Variants in PPM1H observed in about 807,000 individuals in gnomAD.
PPM1H encodes protein phosphatase 1H.
PPM1H carries 27 observed loss-of-function variants against 54.9 expected under a neutral mutation model. The ratio of observed to expected loss-of-function variants is 0.49; its 90% CI spans 0.36 to 0.68. The LOEUF (loss-of-function observed/expected upper bound fraction) is 0.68, where lower values mean the gene tolerates loss of function less well. PPM1H is among the 30% of genes least tolerant of loss of function. The pLI is 0.00. For synonymous variants in PPM1H, 305 were observed against 270.8 expected (o/e 1.13, Z -1.24); for missense variants, 596 against 667.8 (o/e 0.89, Z 1.19).
chr12:62,686,987 C>A (rs1005401785), intron 8 of PPM1H, among the ~76,000 whole-genome samples: 1 of 152,180 alleles, frequency 6.6e-6, no homozygotes, highest in African/African-American at 2.4e-5. Flanking sequence ...GGGACAAATA[C>A]ACAGGCTGGG....
rs115708081 is a variant in PPM1H at position 62,779,733 on chromosome 12, C to T, written c.869+8493G>A. ...GCCATCTGAGTCCAGAGTCCCTGCTCTTAACCACCATCCTGCCTGCCTGTG... is the reference window on the plus strand; with the variant it reads ...GCCATCTGAGTCCAGAGTCCCTGCTTTTAACCACCATCCTGCCTGCCTGTG... On this transcript the variant is annotated intron_variant, in intron 4 of 9. Coordinates refer to ENST00000228705, the MANE Select transcript of PPM1H (RefSeq NM_020700.2). Among the ~76,000 whole-genome samples the T allele has an allele frequency of 2.3e-3, 354 of 152,382 alleles. 1 individual carries two copies. Among genetic ancestry groups the T allele is most frequent in the African/African-American group, 7.8e-3 (326 of 41,590 alleles).
chr12:62,688,712 C>T (rs2076067796), intron 8 of PPM1H, among the ~76,000 whole-genome samples: 1 of 152,094 alleles, frequency 6.6e-6, no homozygotes, highest in Admixed American at 6.5e-5. Flanking sequence ...TAACTATGAT[C>T]AGGCCAGGTG....
intron 4 of PPM1H, among the ~76,000 whole-genome samples, chr12:62,777,707 T>C (rs1160339150): frequency 1.3e-5 from 2 of 152,212 alleles, no homozygotes; most frequent in Non-Finnish European, 2.9e-5. Flanking sequence ...GAAACGAAAC[T>C]ATTAAACTGA....
chr12:62,694,048 A>G (rs1468867843), intron 6 of PPM1H, 49 bp from the exon 7 acceptor site: 8 of 1,522,186 alleles, frequency 5.3e-6, no homozygotes. Flanking sequence ...TCAATTAGTG[A>G]CCTGCTGCCC....
At chr12:62,809,983 C>T (rs2076825240) in intron 2 of PPM1H, among the ~76,000 whole-genome samples, 1 of 152,060 alleles carries the variant, frequency 6.6e-6, no homozygotes, top group South Asian at 2.1e-4. Flanking sequence ...CTTGGATCAC[C>T]TCAGCCCCTG....
intron 8 of PPM1H, among the ~76,000 whole-genome samples, chr12:62,685,123 A>G (rs2076044205): frequency 6.6e-6 from 1 of 152,158 alleles, no homozygotes; most frequent in South Asian, 2.1e-4. Flanking sequence ...TAGACGCACT[A>G]CATACCCATT....
intron 3 of PPM1H, among the ~76,000 whole-genome samples, chr12:62,791,171 C>T (rs545576702): frequency 3.3e-5 from 5 of 152,250 alleles, no homozygotes; most frequent in East Asian, 1.9e-4. Flanking sequence ...ACAATGCCAA[C>T]GCTCGCTGAG....
intron 1 of PPM1H, among the ~76,000 whole-genome samples, chr12:62,858,621 G>C (rs926364055): frequency 2.0e-5 from 3 of 152,168 alleles, no homozygotes; most frequent in South Asian, 2.1e-4. Context: ...GTCTGCCTAA[G>C]CTTTCAAAAC....
intron 1 of PPM1H, among the ~76,000 whole-genome samples, chr12:62,876,899 A>G (rs954059644): frequency 7.2e-5 from 11 of 152,158 alleles, no homozygotes; most frequent in Non-Finnish European, 2.9e-5. Context: ...TAGCTGCCAC[A>G]TACTATTTTT....
At chr12:62,709,394 A>G (rs1040388055) in intron 6 of PPM1H, among the ~76,000 whole-genome samples, 1 of 152,166 alleles carries the variant, frequency 6.6e-6, no homozygotes, top group Admixed American at 6.5e-5. Context: ...CTACTTGTCC[A>G]TTTTGATTGT....
At chr12:62,686,266 A>G (rs2076051070) in intron 8 of PPM1H, among the ~76,000 whole-genome samples, 1 of 152,248 alleles carries the variant, frequency 6.6e-6, no homozygotes, top group South Asian at 2.1e-4. Context: ...ATGCATACAG[A>G]GCACTCTCCT....
rs67184820 is a variant in PPM1H at position 62,884,338 on chromosome 12, GAA to G, written c.245+50152_245+50153del. Reference sequence around the variant, plus strand: ...CCTGTCTTGACAAAAGCACCAAAATGAAAAAAAAAAAAAATAGTCAGGCATAG... The same window carrying G: ...CCTGTCTTGACAAAAGCACCAAAATGAAAAAAAAAAAATAGTCAGGCATAG... On this transcript the variant is annotated intron_variant, in intron 1 of 9. Transcript: ENST00000228705. 1.0e-3 allele frequency among the ~76,000 whole-genome samples: 144 copies of G among 140,116 alleles called. 1 individual carries two copies. The highest frequency in any genetic ancestry group is 2.3e-3 in the African/African-American group (87 of 37,826). 91.9% of individuals were successfully genotyped at this position (140,116 alleles called of 152,430 possible). A position where few individuals can be genotyped will look rare whatever the true frequency, so the allele number is the denominator to read the frequency against.
chr12:62,867,204 T>G (rs1869806443), intron 1 of PPM1H, among the ~76,000 whole-genome samples: 3 of 152,178 alleles, frequency 2.0e-5, no homozygotes, highest in African/African-American at 7.2e-5. Context: ...TGGCTGACAC[T>G]TTCATCTGTC....
chr12:62,753,209 C>A (rs764034563), intron 4 of PPM1H, among the ~76,000 whole-genome samples: 8 of 152,170 alleles, frequency 5.3e-5, no homozygotes, highest in Non-Finnish European at 8.8e-5. Context: ...TCTCATCTAC[C>A]TTCTAACCTC....
At chr12:62,739,440 C>A (rs7295577) in intron 4 of PPM1H, among the ~76,000 whole-genome samples, 1 of 152,090 alleles carries the variant, frequency 6.6e-6, no homozygotes, top group Non-Finnish European at 1.5e-5. Flanking sequence ...CCTAATCTTA[C>A]AGGATCTAGA....
intron 9 of PPM1H, among the ~76,000 whole-genome samples, chr12:62,656,850 G>T (rs2075847071): frequency 6.6e-6 from 1 of 152,078 alleles, no homozygotes; most frequent in South Asian, 2.1e-4. Context: ...CGTCTTGGTG[G>T]GTGGAGGGTC....
intron 5 of PPM1H, among the ~76,000 whole-genome samples, chr12:62,737,153 G>A (rs1245492523): frequency 2.0e-5 from 3 of 151,498 alleles, no homozygotes; most frequent in East Asian, 1.9e-4. Flanking sequence ...AGTGAGTAGC[G>A]GGCCATGGAA....
intron 7 of PPM1H, among the ~76,000 whole-genome samples, chr12:62,690,266 C>A (rs1045910176): frequency 6.6e-6 from 1 of 152,208 alleles, no homozygotes; most frequent in Non-Finnish European, 1.5e-5. Flanking sequence ...ATTTGCTCAA[C>A]ACCAGCTATG....
intron 1 of PPM1H, among the ~76,000 whole-genome samples, chr12:62,841,326 G>A (rs992482434): frequency 6.6e-5 from 10 of 152,116 alleles, no homozygotes; most frequent in Admixed American, 2.0e-4. Context: ...AGTTAAGAAT[G>A]ATTTTTATAT....
Sources: allele counts gnomAD v4.1 joint callset (sites outside exome capture counted in the v4.1 genomes callset), GRCh38; gene constraint gnomAD v4.1.1; transcripts MANE v1.5; gene names NCBI Gene and HGNC (gene_info 2026-07-23, HGNC 2026-07-21).